The following SAP30BP variants were observed in gnomAD, a reference collection of about 807,000 sequenced individuals.
SAP30BP encodes SAP30-binding protein.
SAP30BP carries 31 observed loss-of-function variants against 46.3 expected under a neutral mutation model. The ratio of observed to expected loss-of-function variants is 0.67; its 90% confidence interval spans 0.50 to 0.90. The LOEUF (loss-of-function observed/expected upper bound fraction) is 0.90. SAP30BP is among the 40% of genes least tolerant of loss of function. SAP30BP has a pLI of 0.00. For synonymous variants in SAP30BP, 169 were observed against 144.2 expected, an observed-to-expected ratio of 1.17 and a Z score of -1.23; for missense variants, 312 against 391.0, an observed-to-expected ratio of 0.80 and a Z score of 1.70.
chr17:75,675,801 C>T (rs2059981157), intron 3 of SAP30BP, among the ~76,000 whole-genome samples: 1 of 152,200 alleles, frequency 6.6e-6, no homozygotes, highest in South Asian at 2.1e-4. Context: ...CCTCTAGTCC[C>T]AGCTACTCGA....
At position 75,707,088 on chromosome 17, in the gene SAP30BP, AC is replaced by A. The variant is rs2060508163; in HGVS notation, c.*568del. ...ACTTGAGCACTCCCCAGACCAGATCACTTTTTGGACACACCCAGGAAGGCTT... is the reference window on the plus strand; with the variant it reads ...ACTTGAGCACTCCCCAGACCAGATCATTTTTGGACACACCCAGGAAGGCTT... On this transcript the variant is annotated 3_prime_UTR_variant, in exon 11 of 11. Coordinates refer to ENST00000584667, the MANE Select transcript of SAP30BP (RefSeq NM_013260.8). 1.3e-5 allele frequency: 2 copies of A among 155,810 alleles called. No homozygotes were observed. The highest frequency in any genetic ancestry group is 2.9e-5 in the Non-Finnish European group (2 of 70,086). The allele number at this position is 155,810 out of a possible 1,614,324, so 9.7% of individuals were successfully genotyped here.
chr17:75,672,516 C>T (rs2059922072), intron 3 of SAP30BP, among the ~76,000 whole-genome samples: 1 of 152,170 alleles, frequency 6.6e-6, no homozygotes, highest in East Asian at 1.9e-4. Flanking sequence ...GTTGGTTAAG[C>T]TGCTGTGCTG....
chr17:75,671,471 T>C lies in SAP30BP; in HGVS notation c.217-345T>C, dbSNP rs955668202. On this transcript the variant is annotated intron_variant, in intron 2 of 10. Coordinates refer to ENST00000584667, the MANE Select transcript of SAP30BP (RefSeq NM_013260.8). The stretch of plus-strand genomic sequence containing the variant: ...AGTGGAAACACGATGCCTGTTTTAT[T>C]GTGTGGCCTGATCTTACTCTTTCCT... 2.0e-5 allele frequency among the ~76,000 whole-genome samples: 3 copies of C among 152,336 alleles called. No homozygotes were observed. The South Asian group carries it at 6.2e-4, about 32-fold the overall frequency.
Position 75,686,717 on chromosome 17 carries a change from C to T in SAP30BP, c.265-6723C>T, listed in dbSNP as rs561465592. On this transcript the variant is annotated intron_variant, in intron 3 of 10. Transcript: ENST00000584667. ...CCCACGGCAGTGGCTCAGTCCTGGCCGACAGGATACAACTAAAGGAAATGT... is the reference window on the plus strand; with the variant it reads ...CCCACGGCAGTGGCTCAGTCCTGGCTGACAGGATACAACTAAAGGAAATGT... Among the ~76,000 whole-genome samples the T allele has an allele frequency of 1.9e-3, 287 of 152,188 alleles. 1 individual carries two copies. The highest frequency in any genetic ancestry group is 3.1e-3 in the Non-Finnish European group (208 of 68,006).
At chr17:75,703,782 T>C in intron 7 of SAP30BP, 26 bp from the exon 8 acceptor site, 1 of 1,607,966 alleles carries the variant, frequency 6.2e-7, no homozygotes, top group South Asian at 1.1e-5. Flanking sequence ...ATTTGTCATC[T>C]GAGTCATTCG....
At chr17:75,698,322 C>T (rs760619040) in intron 4 of SAP30BP, among the ~76,000 whole-genome samples, 14 of 152,204 alleles carry the variant, frequency 9.2e-5, no homozygotes, top group Admixed American at 6.5e-4. Flanking sequence ...TTAAAAGATC[C>T]TCAGCTGATA....
intron 5 of SAP30BP, among the ~76,000 whole-genome samples, chr17:75,700,413 C>G (rs529392438): frequency 1.1e-4 from 17 of 152,274 alleles, no homozygotes; most frequent in African/African-American, 4.1e-4. Flanking sequence ...CCTGGGGGGA[C>G]AGCTAGGGTT....
At chr17:75,676,512 T>C (rs1359653100) in intron 3 of SAP30BP, among the ~76,000 whole-genome samples, 1 of 152,274 alleles carries the variant, frequency 6.6e-6, no homozygotes, top group African/African-American at 2.4e-5. Flanking sequence ...CAATATGTGC[T>C]ATCAGAGCTT....
Position 75,668,504 on chromosome 17 carries a change from T to G in SAP30BP, c.107-12T>G. 6.7e-7 allele frequency: 1 copy of G among 1,488,330 alleles called. No homozygotes were observed. Among genetic ancestry groups the G allele is most frequent in the Non-Finnish European group, 9.1e-7 (1 of 1,101,520 alleles). The allele number at this position is 1,488,330 out of a possible 1,614,324, so 92.2% of individuals were successfully genotyped here. On this transcript the variant is annotated splice_polypyrimidine_tract_variant and intron_variant, in intron 1 of 10. Coordinates refer to ENST00000584667, the MANE Select transcript of SAP30BP (RefSeq NM_013260.8). ...TGCTTTTTGTTTGTTTGTTTGTTTT[T>G]TAACCTTTCAGAGGAGAAAGGCGGA... is the stretch of plus-strand genomic sequence containing the variant.
rs1555725258 is a variant in SAP30BP at position 75,703,381 on chromosome 17, G to C, written c.549+10G>C. The C allele has an allele frequency of 1.2e-6, 2 of 1,613,106 alleles. No individual in the cohort carries two copies. The highest frequency in any genetic ancestry group is 4.5e-5 in the East Asian group (2 of 44,886). On this transcript the variant is annotated intron_variant, in intron 7 of 10. Transcript: ENST00000584667. ...CACCAACTACCCAAAGGTGCGTCTGGCACACGGGGCTGGAGGGTGATGGGG... is the reference window on the plus strand; with the variant it reads ...CACCAACTACCCAAAGGTGCGTCTGCCACACGGGGCTGGAGGGTGATGGGG...
At chr17:75,686,696 C>T (rs573012241) in intron 3 of SAP30BP, among the ~76,000 whole-genome samples, 16 of 152,240 alleles carry the variant, frequency 1.1e-4, no homozygotes, top group African/African-American at 3.1e-4. Flanking sequence ...AGTGTGCCCA[C>T]GGCAGTGGCT....
chr17:75,706,222 A>AGTCAGGGGTGGGCCGCTTCGGG lies in SAP30BP; in HGVS notation c.746-115_746-114insAGGGGTGGGCCGCTTCGGGGTC. 6.4e-7 allele frequency: 1 copy of AGTCAGGGGTGGGCCGCTTCGGG among 1,554,414 alleles called. No individual in the cohort carries two copies. Among genetic ancestry groups the AGTCAGGGGTGGGCCGCTTCGGG allele is most frequent in the Non-Finnish European group, 8.7e-7 (1 of 1,150,228 alleles). ...TTGCTACTTTGAGAAGCACCTTTGG[A>AGTCAGGGGTGGGCCGCTTCGGG]GTCTGGGGTGGGCCACTTCGGGGTC... On this transcript the variant is annotated intron_variant, in intron 10 of 10. Coordinates refer to ENST00000584667, the MANE Select transcript of SAP30BP (RefSeq NM_013260.8). The surrounding 1 kb of genome is among the most constrained non-coding windows in gnomAD (Gnocchi z 4.6).
At chr17:75,683,540 G>C (rs960858935) in intron 3 of SAP30BP, 1 of 152,084 alleles carries the variant, frequency 6.6e-6, no homozygotes, top group African/African-American at 2.4e-5. Flanking sequence ...CGTTACACTA[G>C]CAAAATCTGA....
chr17:75,678,999 T>G (rs897269408), intron 3 of SAP30BP, among the ~76,000 whole-genome samples: 2 of 150,540 alleles, frequency 1.3e-5, no homozygotes, highest in Non-Finnish European at 3.0e-5. Context: ...AAGTTTTTTT[T>G]TTTTTTTTTT....
chr17:75,699,983 A>G (rs890342758), intron 5 of SAP30BP, 112 bp downstream of exon 5: 4 of 750,382 alleles, frequency 5.3e-6, no homozygotes, highest in African/African-American at 1.8e-5. Flanking sequence ...TGAGGCTTCT[A>G]TAAAAGAAAC....
At chr17:75,672,409 A>G (rs541761175) in intron 3 of SAP30BP, among the ~76,000 whole-genome samples, 7 of 152,258 alleles carry the variant, frequency 4.6e-5, no homozygotes, top group East Asian at 1.9e-4. Context: ...CAACATAACT[A>G]TTCTCATAGT....
intron 3 of SAP30BP, chr17:75,679,984 C>G (rs2060051531): frequency 6.6e-6 from 1 of 152,156 alleles, no homozygotes; most frequent in South Asian, 2.1e-4. Flanking sequence ...ATTTTTTTCT[C>G]CACTCCTACA....
chr17:75,673,769 C>T (rs1287874331), intron 3 of SAP30BP, among the ~76,000 whole-genome samples: 1 of 152,006 alleles, frequency 6.6e-6, no homozygotes, highest in Admixed American at 6.6e-5. Flanking sequence ...TGGGAGGGAC[C>T]CAAAAAAGGT....
chr17:75,702,376 G>A (rs182328519), intron 5 of SAP30BP, 104 bp from the exon 6 acceptor site: 200 of 548,884 alleles, frequency 3.6e-4, no homozygotes, highest in Admixed American at 1.1e-3. Flanking sequence ...CCTGACTGGA[G>A]CCTCATGTTC....
Sources: allele counts gnomAD v4.1 joint callset (sites outside exome capture counted in the v4.1 genomes callset), GRCh38; gene constraint gnomAD v4.1.1; non-coding constraint Gnocchi (gnomAD v3.1); transcripts MANE v1.5; gene names NCBI Gene and HGNC (gene_info 2026-07-23, HGNC 2026-07-21).